The following YWHAZ variants were observed in gnomAD, a reference collection of about 807,000 sequenced individuals.
YWHAZ encodes the protein 14-3-3 protein zeta/delta.
For missense variants in YWHAZ, 79 were observed against 284.8 expected (o/e 0.28, Z 5.20); for synonymous variants, 87 against 103.6 (o/e 0.84, Z 0.97).
At chr8:100,946,885 CA>C (rs145007143) in intron 2 of YWHAZ, among the ~76,000 whole-genome samples, 44 of 73,070 alleles carry the variant, frequency 6.0e-4, no homozygotes, top group African/African-American at 1.0e-3. Flanking sequence ...GTAAGGTGAG[CA>C]AAAAAAAAAA....
At chr8:100,928,996 TAAAGGTA>T (rs1813570105) in intron 2 of YWHAZ, among the ~76,000 whole-genome samples, 1 of 152,112 alleles carries the variant, frequency 6.6e-6, no homozygotes, top group Non-Finnish European at 1.5e-5. Context: ...TCTTTTCACA[TAAAGGTA>T]AAACAGGAAA....
At chr8:100,923,821 T>A (rs1813188332) in intron 5 of YWHAZ, 134 bp downstream of exon 5, 2 of 606,688 alleles carry the variant, frequency 3.3e-6, no homozygotes, top group Non-Finnish European at 5.5e-6. Flanking sequence ...GTAGCTGAGA[T>A]ATATTTATGA....
At chr8:100,923,919 C>T (rs1586086821) in intron 5 of YWHAZ, 36 bp downstream of exon 5, 1 of 1,537,894 alleles carries the variant, frequency 6.5e-7, no homozygotes, top group Non-Finnish European at 8.8e-7. Flanking sequence ...ACCTCTTCAA[C>T]CACATTCATC....
intron 2 of YWHAZ, among the ~76,000 whole-genome samples, chr8:100,941,585 G>C (rs760177265): frequency 6.6e-6 from 1 of 152,152 alleles, no homozygotes; most frequent in Non-Finnish European, 1.5e-5. Context: ...AGGAGTTCAA[G>C]ACCAGCCCGG....
Position 100,943,800 on chromosome 8 carries a change from C to T in YWHAZ, c.294+4796G>A, listed in dbSNP as rs190787821. 4.2e-3 allele frequency among the ~76,000 whole-genome samples: 633 copies of T among 152,196 alleles called. 4 individuals carry two copies. Among genetic ancestry groups the T allele is most frequent in the African/African-American group, 0.014 (590 of 41,530 alleles). Reference sequence around the variant, plus strand: ...AGGAGACCAAGACCATCTTGGCTAACACGGTGAAACCCCATCTCTACTAAA... The same window carrying T: ...AGGAGACCAAGACCATCTTGGCTAATACGGTGAAACCCCATCTCTACTAAA... On this transcript the variant is annotated intron_variant, in intron 2 of 5. Transcript: ENST00000395958.
intron 5 of YWHAZ, among the ~76,000 whole-genome samples, chr8:100,920,981 CTT>C (rs1812985988): frequency 2.6e-5 from 4 of 152,140 alleles, no homozygotes; most frequent in Non-Finnish European, 5.9e-5. Flanking sequence ...TTCAAATAAC[CTT>C]CAGATACAGG....
chr8:100,951,360 G>A, intron 1 of YWHAZ: 1 of 984,554 alleles, frequency 1.0e-6, no homozygotes, highest in Non-Finnish European at 1.2e-6. Context: ...GGTGGGGGAG[G>A]GCCGGGTCCC....
Position 100,918,201 on chromosome 8 carries a change from G to C in YWHAZ, c.*2492C>G, listed in dbSNP as rs1213852192. ...CTACTAAAAACACAAAAATTAGCCA[G>C]GTGTGGTGGCGGGCACCTGTAATCC... On this transcript the variant is annotated 3_prime_UTR_variant, in exon 6 of 6. Transcript: ENST00000395958. The C allele has an allele frequency of 2.7e-5, 4 of 150,938 alleles. No individual in the cohort carries two copies. Among genetic ancestry groups the C allele is most frequent in the Non-Finnish European group, 5.9e-5 (4 of 67,748 alleles). The allele number at this position is 150,938 out of a possible 1,614,324, so 9.3% of individuals were successfully genotyped here. A position where few individuals can be genotyped will look rare whatever the true frequency, so the allele number is the denominator to read the frequency against.
At chr8:100,920,797 G>A (rs769574738) in intron 5 of YWHAZ, 45 bp from the exon 6 acceptor site, 4 of 841,434 alleles carry the variant, frequency 4.8e-6, no homozygotes, top group South Asian at 3.7e-5. Context: ...CAGTGGGATG[G>A]GGGGGGGGGG....
intron 1 of YWHAZ, among the ~76,000 whole-genome samples, chr8:100,949,942 TCA>T (rs1215832257): frequency 2.0e-5 from 3 of 152,192 alleles, no homozygotes; most frequent in Non-Finnish European, 2.9e-5. Flanking sequence ...ATAAATGACT[TCA>T]GAGGAAAATA....
At chr8:100,952,804 G>A, upstream of YWHAZ, 1 of 1,000,244 alleles carries the variant, frequency 1.0e-6, no homozygotes, top group Non-Finnish European at 1.2e-6. Context: ...GGGCCGACCG[G>A]GGCGCGCGGC....
intron 2 of YWHAZ, among the ~76,000 whole-genome samples, chr8:100,943,930 T>C (rs1810063803): frequency 7.0e-6 from 1 of 143,516 alleles, no homozygotes; most frequent in Non-Finnish European, 1.5e-5. Flanking sequence ...GAGCTTGCAG[T>C]GAGCCGAGAT....
rs778502825 is a variant in YWHAZ at position 100,951,740 on chromosome 8, G to A, written c.-12+189C>T. On this transcript the variant is annotated intron_variant, in intron 1 of 5. Coordinates refer to ENST00000395958, the MANE Select transcript of YWHAZ (RefSeq NM_145690.3). ...CGGAAGCAAGGAGCCGGAGGCGGCC[G>A]CTAGCCGCCCTCCCGAGCCCAGCGG... The A allele has an allele frequency of 1.7e-5, 17 of 985,436 alleles. 1 individual carries two copies. The South Asian group carries it at 7.0e-4, about 41-fold the overall frequency. The allele number at this position is 985,436 out of a possible 1,614,324, so 61.0% of individuals were successfully genotyped here. A position where few individuals can be genotyped will look rare whatever the true frequency, so the allele number is the denominator to read the frequency against.
intron 2 of YWHAZ, among the ~76,000 whole-genome samples, chr8:100,925,941 A>G (rs1158527729): frequency 6.6e-6 from 1 of 152,054 alleles, no homozygotes; most frequent in Non-Finnish European, 1.5e-5. Context: ...AAGCAAAAAA[A>G]CCCCAACCAC....
intron 2 of YWHAZ, among the ~76,000 whole-genome samples, chr8:100,937,325 T>G (rs1406710982): frequency 1.3e-5 from 2 of 152,150 alleles, no homozygotes; most frequent in African/African-American, 4.8e-5. Flanking sequence ...TGATACTACT[T>G]TTGTATTTAA....
rs1812739575 is a variant in YWHAZ, at chr8:100,917,103, CT to C, written c.*3589del. The C allele has an allele frequency of 6.6e-6, 1 of 152,190 alleles. No individual in the cohort carries two copies. Among genetic ancestry groups the C allele is most frequent in the South Asian group, 2.1e-4 (1 of 4,832 alleles). The allele number at this position is 152,190 out of a possible 1,614,324, so 9.4% of individuals were successfully genotyped here. On this transcript the variant is annotated 3_prime_UTR_variant, in exon 6 of 6. Transcript: ENST00000395958. The stretch of plus-strand genomic sequence containing the variant: ...ACCAGTTTTCAAAGTCAAAGTTTCA[CT>C]CTCCATTTGAAGCCTGACTACAAAT...
intron 2 of YWHAZ, among the ~76,000 whole-genome samples, chr8:100,933,416 C>T (rs1350625190): frequency 6.6e-6 from 1 of 151,954 alleles, no homozygotes; most frequent in Non-Finnish European, 1.5e-5. Flanking sequence ...GACACCTCCC[C>T]AAAGGACTCC....
Position 100,919,892 on chromosome 8 carries a change from CA to C in YWHAZ, c.*800del, listed in dbSNP as rs1355665512. 6 of 146,106 alleles carry C rather than the reference CA, an allele frequency of 4.1e-5. No homozygotes were observed. Among genetic ancestry groups the C allele is most frequent in the African/African-American group, 1.5e-4 (6 of 39,724 alleles). The allele number at this position is 146,106 out of a possible 1,614,324, so 9.1% of individuals were successfully genotyped here. ...ATCAAAAAAAAAAAAATCACAAAAG[CA>C]AAAATCCTAAAAAAAAGTTAAATAC... On this transcript the variant is annotated 3_prime_UTR_variant, in exon 6 of 6. Transcript: ENST00000395958.
At position 100,948,277 on chromosome 8, in the gene YWHAZ, G is replaced by A; in HGVS notation, c.294+319C>T. On this transcript the variant is annotated intron_variant, in intron 2 of 5. Transcript: ENST00000395958. The surrounding 1 kb of genome is among the most constrained non-coding windows in gnomAD (Gnocchi z 4.2). ...TGTACATTTAAGATAACCAGCTATA[G>A]AGCTACTACAAATATTCTAACCATA... 2 of 728,160 alleles carry A rather than the reference G, an allele frequency of 2.7e-6. No individual in the cohort carries two copies. Among genetic ancestry groups the A allele is most frequent in the Non-Finnish European group, 4.3e-6 (2 of 470,572 alleles). The allele number at this position is 728,160 out of a possible 1,614,324, so 45.1% of individuals were successfully genotyped here. A position where few individuals can be genotyped will look rare whatever the true frequency, so the allele number is the denominator to read the frequency against.
Sources: allele counts gnomAD v4.1 joint callset (sites outside exome capture counted in the v4.1 genomes callset), GRCh38; gene constraint gnomAD v4.1.1; non-coding constraint Gnocchi (gnomAD v3.1); transcripts MANE v1.5; gene names NCBI Gene and HGNC (gene_info 2026-07-23, HGNC 2026-07-21).